Variants in KIAA1328 observed in about 807,000 individuals in gnomAD.
The protein encoded by KIAA1328 is KIAA1328.
A neutral mutation model predicts 68.1 loss-of-function variants in KIAA1328; 52 were observed. The observed-to-expected ratio is 0.76, with a 90% confidence interval of 0.61 to 0.96. The LOEUF is 0.96. Ranked by LOEUF, KIAA1328 falls within the 40% of genes least tolerant of loss-of-function variation. The pLI, the probability that KIAA1328 is intolerant of heterozygous loss-of-function variation, is 0.00. For missense variants in KIAA1328, 641 were observed against 677.6 expected, an observed-to-expected ratio of 0.95 and a Z score of 0.60; for synonymous variants, 232 against 239.4, an observed-to-expected ratio of 0.97 and a Z score of 0.28.
intron 7 of KIAA1328, among the ~76,000 whole-genome samples, chr18:37,138,369 C>T (rs545339610): frequency 6.6e-6 from 1 of 152,320 alleles, no homozygotes; most frequent in South Asian, 2.1e-4. Context: ...TTCTTAACCA[C>T]TCTGCTGCCC....
chr18:36,853,609 T>G (rs2047286793), intron 4 of KIAA1328, among the ~76,000 whole-genome samples: 1 of 152,174 alleles, frequency 6.6e-6, no homozygotes, highest in African/African-American at 2.4e-5. Context: ...CTATCCTATG[T>G]TGTTATTGTC....
intron 5 of KIAA1328, among the ~76,000 whole-genome samples, chr18:36,924,430 G>A (rs1047845307): frequency 2.0e-5 from 3 of 152,136 alleles, no homozygotes; most frequent in Non-Finnish European, 2.9e-5. Context: ...AGGATTTGAT[G>A]TGGGAGCTAA....
chr18:37,200,541 G>A (rs2060088769), intron 9 of KIAA1328, among the ~76,000 whole-genome samples: 1 of 152,120 alleles, frequency 6.6e-6, no homozygotes, highest in Non-Finnish European at 1.5e-5. Flanking sequence ...GCCGGGCGCG[G>A]TGGCTCACGC....
intron 4 of KIAA1328, among the ~76,000 whole-genome samples, chr18:36,877,879 G>T (rs1212176089): frequency 6.6e-6 from 1 of 151,834 alleles, no homozygotes; most frequent in Non-Finnish European, 1.5e-5. Context: ...ATGTTAGCCA[G>T]GATGGTCTCG....
At chr18:36,945,179 C>T (rs1328596550) in intron 5 of KIAA1328, among the ~76,000 whole-genome samples, 2 of 152,096 alleles carry the variant, frequency 1.3e-5, no homozygotes, top group Non-Finnish European at 2.9e-5. Flanking sequence ...TATTGTGAAA[C>T]TTTTGTCTTT....
chr18:36,830,443 G>A (rs933749405), intron 1 of KIAA1328, among the ~76,000 whole-genome samples: 2 of 152,158 alleles, frequency 1.3e-5, no homozygotes, highest in African/African-American at 4.8e-5. Context: ...GCTGAATTAG[G>A]AAGTTAGGAA....
At chr18:36,951,355 ATATT>A (rs1335810868) in intron 5 of KIAA1328, among the ~76,000 whole-genome samples, 1 of 152,184 alleles carries the variant, frequency 6.6e-6, no homozygotes, top group Non-Finnish European at 1.5e-5. Flanking sequence ...TGTACTCATT[ATATT>A]TATTATTCAA....
chr18:37,052,028 C>G (rs1342508864), intron 6 of KIAA1328, among the ~76,000 whole-genome samples: 2 of 146,974 alleles, frequency 1.4e-5, no homozygotes, highest in African/African-American at 5.1e-5. Context: ...GGTGACACAG[C>G]AAGACTACGT....
intron 5 of KIAA1328, among the ~76,000 whole-genome samples, chr18:36,889,644 A>G (rs932715902): frequency 3.9e-5 from 6 of 152,232 alleles, no homozygotes; most frequent in African/African-American, 1.2e-4. Flanking sequence ...GTAGATAACT[A>G]AAATGCCTTC....
chr18:37,187,363 A>G lies in KIAA1328; in HGVS notation c.1523+14282A>G, dbSNP rs570632968. ...ATTTGTATTAGAATAGGGACCCTGC[A>G]TCAAGCTCTTCTCACCACATGGGCT... On this transcript the variant is annotated intron_variant, in intron 9 of 9. Transcript: ENST00000280020. 5.3e-5 allele frequency among the ~76,000 whole-genome samples: 8 copies of G among 152,256 alleles called. No individual in the cohort carries two copies. The East Asian group carries it at 1.5e-3, about 29-fold the overall frequency.
intron 4 of KIAA1328, among the ~76,000 whole-genome samples, chr18:36,873,141 G>A (rs1232298561): frequency 6.6e-6 from 1 of 152,120 alleles, no homozygotes; most frequent in African/African-American, 2.4e-5. Flanking sequence ...TGAAGTCCTG[G>A]CTCATTTTGG....
intron 6 of KIAA1328, among the ~76,000 whole-genome samples, chr18:36,960,930 C>T (rs1157140476): frequency 6.6e-6 from 1 of 152,110 alleles, no homozygotes; most frequent in Non-Finnish European, 1.5e-5. Flanking sequence ...CGCAACTCCT[C>T]GCCAGCAATG....
intron 7 of KIAA1328, among the ~76,000 whole-genome samples, chr18:37,122,280 C>T (rs1018708997): frequency 1.3e-5 from 2 of 151,912 alleles, no homozygotes; most frequent in Admixed American, 1.3e-4. Context: ...GAAAACGTGT[C>T]CATTGAACTT....
chr18:36,946,435 G>C (rs1252881816), intron 5 of KIAA1328: 1 of 152,168 alleles, frequency 6.6e-6, no homozygotes, highest in African/African-American at 2.4e-5. Flanking sequence ...CCCTGGACCA[G>C]CAACATCAGC....
intron 7 of KIAA1328, among the ~76,000 whole-genome samples, chr18:37,084,622 A>G (rs999995153): frequency 6.6e-6 from 1 of 152,058 alleles, no homozygotes; most frequent in Non-Finnish European, 1.5e-5. Flanking sequence ...CATTCAACAA[A>G]TACGTATTGC....
At chr18:36,982,799 T>C (rs958411409) in intron 6 of KIAA1328, among the ~76,000 whole-genome samples, 6 of 152,006 alleles carry the variant, frequency 3.9e-5, no homozygotes, top group Non-Finnish European at 1.5e-5. Flanking sequence ...ACATTCACTT[T>C]AGGGGTTTTA....
intron 6 of KIAA1328, among the ~76,000 whole-genome samples, chr18:36,968,727 C>T (rs2052046517): frequency 6.6e-6 from 1 of 152,096 alleles, no homozygotes. Flanking sequence ...TAGACAGATC[C>T]TTAAGTCAGA....
chr18:37,200,165 A>G (rs1047505163), intron 9 of KIAA1328, among the ~76,000 whole-genome samples: 8 of 152,320 alleles, frequency 5.3e-5, no homozygotes, highest in African/African-American at 1.9e-4. Context: ...TACTTGAGCC[A>G]AGTGAGGACA....
At chr18:37,012,166 A>G (rs1175032139) in intron 6 of KIAA1328, among the ~76,000 whole-genome samples, 1 of 152,166 alleles carries the variant, frequency 6.6e-6, no homozygotes, top group Non-Finnish European at 1.5e-5. Flanking sequence ...GAACTAATAT[A>G]CTAAGACAGT....
Sources: gnomAD v4.1 joint callset for allele counts (sites outside exome capture counted in the v4.1 genomes callset) on GRCh38, gnomAD v4.1.1 for gene constraint, MANE v1.5 for transcripts, NCBI Gene and HGNC (gene_info 2026-07-23, HGNC 2026-07-21) for gene names.